The following MSANTD7 variants were observed in gnomAD, a reference collection of about 807,000 sequenced individuals.
MSANTD7 encodes Myb/SANT DNA binding domain containing 7.
At chr10:14,843,299 G>T in the MSANTD7 span, 1 of 1,532,248 alleles carries the variant, frequency 6.5e-7, no homozygotes. Context: ...ATTTGTCTCA[G>T]CTCTGCTGCT....
At chr10:14,846,582 C>T in the MSANTD7 span, 31 of 981,302 alleles carry the variant, frequency 3.2e-5, 1 homozygote, top group South Asian at 4.7e-4. Context: ...ACTACTTGAA[C>T]CCCCTTAGAA....
the MSANTD7 span, among the ~76,000 whole-genome samples, chr10:14,841,649 A>G: frequency 8.5e-5 from 13 of 152,166 alleles, no homozygotes; most frequent in African/African-American, 3.1e-4. Context: ...GGTTAGAGTA[A>G]TTATGTGGCT....
chr10:14,844,967 A>G, the MSANTD7 span: 2 of 985,354 alleles, frequency 2.0e-6, no homozygotes, highest in African/African-American at 3.5e-5. Context: ...CAGATGTTGT[A>G]GACAGAAGTT....
chr10:14,844,654 C>T, the MSANTD7 span: 6 of 982,648 alleles, frequency 6.1e-6, no homozygotes, highest in East Asian at 1.1e-4. Flanking sequence ...GCCAGGGAGC[C>T]GCCATTGTGT....
the MSANTD7 span, among the ~76,000 whole-genome samples, chr10:14,839,610 A>G: frequency 6.6e-6 from 1 of 151,998 alleles, no homozygotes; most frequent in African/African-American, 2.4e-5. Context: ...GTAAGAAGGA[A>G]GAGAGGTAGG....
At chr10:14,838,482 T>A in the MSANTD7 span, 3 of 1,585,120 alleles carry the variant, frequency 1.9e-6, no homozygotes, top group Non-Finnish European at 2.6e-6. Context: ...GGAGCTGGGC[T>A]AGGGCTTCAT....
chr10:14,845,437 C>G, the MSANTD7 span: 1 of 985,314 alleles, frequency 1.0e-6, no homozygotes, highest in Non-Finnish European at 1.2e-6. Flanking sequence ...GTACCCAGAA[C>G]CATGAGTAGA....
the MSANTD7 span, among the ~76,000 whole-genome samples, chr10:14,839,682 A>C: frequency 3.3e-5 from 5 of 152,206 alleles, no homozygotes; most frequent in African/African-American, 1.2e-4. Flanking sequence ...CTTTTGATTC[A>C]ATTGTTGACT....
At chr10:14,840,341 A>T in the MSANTD7 span, among the ~76,000 whole-genome samples, 14,996 of 152,196 alleles carry the variant, frequency 0.099, 989 homozygotes, top group Non-Finnish European at 0.15. Flanking sequence ...ATCTTCTCTG[A>T]TATGGGATTC....
chr10:14,844,728 A>C, the MSANTD7 span: 1 of 964,704 alleles, frequency 1.0e-6, no homozygotes, highest in Non-Finnish European at 1.2e-6. Context: ...TATTAAATAT[A>C]TGTAAATTCT....
the MSANTD7 span, chr10:14,846,278 G>T: frequency 1.0e-6 from 1 of 985,274 alleles, no homozygotes; most frequent in Admixed American, 6.2e-5. Context: ...ACTTGACGGA[G>T]AGTTAGGCCT....
the MSANTD7 span, chr10:14,844,992 C>T: frequency 1.0e-6 from 1 of 985,380 alleles, no homozygotes; most frequent in African/African-American, 1.7e-5. Flanking sequence ...TAGTTAATGG[C>T]ATCTGGTGGA....
At chr10:14,838,956 CG>C in the MSANTD7 span, among the ~76,000 whole-genome samples, 140 of 152,186 alleles carry the variant, frequency 9.2e-4, 1 homozygote, top group African/African-American at 3.2e-3. Flanking sequence ...TACTTGGAGG[CG>C]GTGGTCTCTG....
the MSANTD7 span, among the ~76,000 whole-genome samples, chr10:14,840,361 T>G: frequency 6.6e-6 from 1 of 152,158 alleles, no homozygotes; most frequent in Non-Finnish European, 1.5e-5. Flanking sequence ...CACTCAGATG[T>G]TAGTTTCTTG....
chr10:14,838,762 G>C, the MSANTD7 span, among the ~76,000 whole-genome samples: 2 of 152,168 alleles, frequency 1.3e-5, no homozygotes, highest in Non-Finnish European at 2.9e-5. Flanking sequence ...GGGTGCCCGG[G>C]GGGGTCCCGG....
At chr10:14,838,617 C>T in the MSANTD7 span, 1 of 669,574 alleles carries the variant, frequency 1.5e-6, no homozygotes, top group African/African-American at 1.9e-5. Context: ...CGGGCAGGCC[C>T]GGCCTCGCGC....
the MSANTD7 span, chr10:14,842,535 T>C: frequency 3.3e-6 from 5 of 1,536,174 alleles, no homozygotes; most frequent in Non-Finnish European, 4.4e-6. This position sits in a 1 kb window ranked among gnomAD's most constrained non-coding sequence, Gnocchi z 5.2. Flanking sequence ...GCCACAAGTA[T>C]GGGTGAGCCA....
the MSANTD7 span, among the ~76,000 whole-genome samples, chr10:14,841,959 C>T: frequency 1.0e-2 from 1,518 of 152,320 alleles, 20 homozygotes; most frequent in African/African-American, 0.033. Flanking sequence ...CTTTTTGTTA[C>T]CAAGCCATTA....
chr10:14,842,377 G>A, the MSANTD7 span: 1 of 1,536,160 alleles, frequency 6.5e-7, no homozygotes, highest in Non-Finnish European at 8.7e-7. The surrounding 1 kb of genome is among the most constrained non-coding windows in gnomAD (Gnocchi z 5.2). Flanking sequence ...AGTATATTCA[G>A]CGCCTCCAGA....
Sources: gnomAD v4.1 joint callset for allele counts (sites outside exome capture counted in the v4.1 genomes callset) on GRCh38, gnomAD v4.1.1 for gene constraint, Gnocchi (gnomAD v3.1) non-coding constraint, MANE v1.5 for transcripts, NCBI Gene and HGNC (gene_info 2026-07-23, HGNC 2026-07-21) for gene names.